Variants in KIAA0232 observed in about 807,000 individuals in gnomAD.
The protein encoded by KIAA0232 is KIAA0232.
KIAA0232 carries 27 observed loss-of-function variants against 122.0 expected under a neutral mutation model. The ratio of observed to expected loss-of-function variants is 0.22; its 90% CI spans 0.16 to 0.31. The LOEUF (loss-of-function observed/expected upper bound fraction) is 0.31, where lower values mean the gene tolerates loss of function less well. Ranked by LOEUF, KIAA0232 falls within the 10% of genes least tolerant of loss-of-function variation. The pLI is 1.00. For synonymous variants in KIAA0232, 613 were observed against 587.6 expected (o/e 1.04, Z -0.63); for missense variants, 1,551 against 1,634.2 (o/e 0.95, Z 0.88).
In KIAA0232 at chr4:6,881,755, T is replaced by C. The variant is rs904560877; in HGVS notation, c.*789T>C. 4 of 152,626 alleles carry C rather than the reference T, an allele frequency of 2.6e-5. No homozygotes were observed. The highest frequency in any genetic ancestry group is 9.7e-5 in the African/African-American group (4 of 41,432). The allele number at this position is 152,626 out of a possible 1,614,324, so 9.5% of individuals were successfully genotyped here. The stretch of plus-strand genomic sequence containing the variant: ...AAACCCCATGCAGGGTTCTTTGTGG[T>C]GAGTGTTCCATACGTGCTAAGGACC... On this transcript the variant is annotated 3_prime_UTR_variant, in exon 10 of 10. Transcript: ENST00000307659.
intron 4 of KIAA0232, among the ~76,000 whole-genome samples, chr4:6,853,106 T>A (rs76480838): frequency 0.02 from 3,033 of 152,330 alleles, 74 homozygotes; most frequent in Non-Finnish European, 0.025. Context: ...AATTGGGGAC[T>A]GACTGATTCC....
intron 1 of KIAA0232, among the ~76,000 whole-genome samples, chr4:6,788,803 A>G (rs1385527882): frequency 1.3e-5 from 2 of 152,220 alleles, no homozygotes; most frequent in African/African-American, 2.4e-5. Flanking sequence ...GGCCCAGCAT[A>G]TAGTAAGTGC....
intron 5 of KIAA0232, among the ~76,000 whole-genome samples, chr4:6,857,820 G>A (rs1351805407): frequency 6.6e-6 from 1 of 152,156 alleles, no homozygotes; most frequent in East Asian, 1.9e-4. Flanking sequence ...TATTAAGGGT[G>A]AGGATCCTTG....
At chr4:6,866,391 G>A (rs184542868) in intron 7 of KIAA0232, 28 of 173,344 alleles carry the variant, frequency 1.6e-4, no homozygotes, top group Middle Eastern at 2.9e-3. Flanking sequence ...CTGCTCTCTC[G>A]GCAGCATTGT....
At chr4:6,880,366 G>A (rs916337427) in intron 9 of KIAA0232, among the ~76,000 whole-genome samples, 4 of 151,042 alleles carry the variant, frequency 2.6e-5, no homozygotes, top group Admixed American at 1.3e-4. Context: ...CAACACACCC[G>A]TCTGCAGTGC....
intron 4 of KIAA0232, among the ~76,000 whole-genome samples, chr4:6,856,285 A>G (rs929452124): frequency 6.6e-6 from 1 of 152,350 alleles, no homozygotes; most frequent in African/African-American, 2.4e-5. Context: ...ATGCCCACCA[A>G]TAAGGACTTG....
At chr4:6,848,537 G>A (rs1332410908) in intron 4 of KIAA0232, among the ~76,000 whole-genome samples, 3 of 152,166 alleles carry the variant, frequency 2.0e-5, no homozygotes, top group African/African-American at 7.2e-5. Flanking sequence ...ATGTCATTGA[G>A]AAATAATTTA....
chr4:6,873,625 G>A (rs933307169), intron 8 of KIAA0232, among the ~76,000 whole-genome samples: 2 of 147,892 alleles, frequency 1.4e-5, no homozygotes, highest in South Asian at 2.1e-4. Flanking sequence ...TCATTAGTTA[G>A]TAAAGAATCC....
intron 1 of KIAA0232, among the ~76,000 whole-genome samples, chr4:6,783,960 G>T (rs1381557760): frequency 1.3e-5 from 2 of 152,134 alleles, no homozygotes; most frequent in African/African-American, 2.4e-5. Flanking sequence ...CTAGAATTCA[G>T]CTTGCGTCTT....
intron 4 of KIAA0232, among the ~76,000 whole-genome samples, chr4:6,853,374 A>G (rs151328409): frequency 6.6e-6 from 1 of 152,352 alleles, no homozygotes; most frequent in Non-Finnish European, 1.5e-5. Context: ...TTAGGGGACC[A>G]GTACAGGAAA....
intron 2 of KIAA0232, among the ~76,000 whole-genome samples, chr4:6,809,644 CCT>C (rs10562596): frequency 0.79 from 119,867 of 151,770 alleles, 47,856 homozygotes; most frequent in Non-Finnish European, 0.84. Context: ...AAATTATATC[CCT>C]GTTTGCCAAT....
intron 6 of KIAA0232, among the ~76,000 whole-genome samples, chr4:6,859,905 C>T (rs1448784871): frequency 6.6e-6 from 1 of 152,194 alleles, no homozygotes; most frequent in Non-Finnish European, 1.5e-5. Context: ...AACCAGCCTC[C>T]CTGGCTTTTT....
At position 6,839,396 on chromosome 4, in the gene KIAA0232, T is replaced by G. The variant is rs923034935; in HGVS notation, c.232-2671T>G. ...CTTCCCAAGACACCATTAACACTTT[T>G]TGTGTGTGTAAAATGTTCTCATGGA... On this transcript the variant is annotated intron_variant, in intron 3 of 9. Transcript: ENST00000307659. 5.3e-5 allele frequency among the ~76,000 whole-genome samples: 8 copies of G among 152,186 alleles called. 1 individual carries two copies. In the South Asian group the frequency reaches 6.2e-4, roughly 12 times the overall value.
chr4:6,864,158 C>A lies in KIAA0232; in HGVS notation c.3776C>A (p.Pro1259Gln), dbSNP rs947282855. The A allele has an allele frequency of 1.2e-6, 2 of 1,612,720 alleles. No individual in the cohort carries two copies. The highest frequency in any genetic ancestry group is 1.7e-6 in the Non-Finnish European group (2 of 1,179,302). ...CAGTTTCCTGCTTATGAAGATAATC[C>A]AGTTTCTTCGGGACAGCTGGAAGAG... ...GCQFPAYEDN[P>Q]VSSGQLEEFP... The change falls in exon 7 of 10, where the codon CCA becomes CAA. Residue 1259 changes from proline (P) to glutamine (Q), a missense_variant. Pro to Gln is a moderately conservative substitution (Grantham distance 76, BLOSUM62 -1). This residue lies in a region of KIAA0232 where 1,108 missense variants were observed against 1,154.8 expected (regional missense o/e 0.96). Coordinates refer to ENST00000307659, the MANE Select transcript of KIAA0232 (RefSeq NM_014743.3).
At chr4:6,839,068 A>C (rs989681685) in intron 3 of KIAA0232, among the ~76,000 whole-genome samples, 2 of 152,276 alleles carry the variant, frequency 1.3e-5, no homozygotes, top group South Asian at 4.1e-4. Context: ...AGAGGTTGCA[A>C]TGAGCCAAGA....
chr4:6,824,214 A>G lies in KIAA0232; in HGVS notation c.-240A>G, dbSNP rs1462355516. Reference sequence around the variant, plus strand: ...TGCCGGAGACTTCCATTTGGCCTCAATGTGAAATTAAAGTAGAAAATCACA... The same window carrying G: ...TGCCGGAGACTTCCATTTGGCCTCAGTGTGAAATTAAAGTAGAAAATCACA... On this transcript the variant is annotated 5_prime_UTR_variant, in exon 3 of 10. An upstream start codon of the reference 5' UTR is lost. Transcript: ENST00000307659. The G allele has an allele frequency of 7.3e-6, 4 of 546,426 alleles. No homozygotes were observed. Among genetic ancestry groups the G allele is most frequent in the African/African-American group, 1.9e-5 (1 of 53,548 alleles). The allele number at this position is 546,426 out of a possible 1,614,324, so 33.8% of individuals were successfully genotyped here.
At chr4:6,835,528 T>G (rs1324650287) in intron 3 of KIAA0232, among the ~76,000 whole-genome samples, 1 of 152,238 alleles carries the variant, frequency 6.6e-6, no homozygotes, top group African/African-American at 2.4e-5. Context: ...GCAGGTTCGT[T>G]ACATAGGTAT....
At chr4:6,801,553 A>G (rs1323306230) in intron 1 of KIAA0232, among the ~76,000 whole-genome samples, 1 of 151,774 alleles carries the variant, frequency 6.6e-6, no homozygotes, top group Non-Finnish European at 1.5e-5. Flanking sequence ...CTTGATGGCC[A>G]CACACTTGTC....
intron 7 of KIAA0232, 66 bp downstream of exon 7, chr4:6,864,249 G>T: frequency 6.8e-7 from 1 of 1,475,070 alleles, no homozygotes; most frequent in South Asian, 1.4e-5. Context: ...GAACAGACAT[G>T]CCAGTCAATG....
Sources: gnomAD v4.1 joint callset for allele counts (sites outside exome capture counted in the v4.1 genomes callset) on GRCh38, gnomAD v4.1.1 for gene constraint, gnomAD v4.1.1 regional missense constraint, MANE v1.5 for transcripts, NCBI Gene and HGNC (gene_info 2026-07-23, HGNC 2026-07-21) for gene names.